SYN3: variants seen among roughly 807,000 people sequenced by gnomAD.
SYN3 encodes synapsin-3.
In SYN3, 35 loss-of-function variants were observed where a neutral mutation model predicts 65.8. The ratio of observed to expected loss-of-function variants is 0.53; its 90% CI spans 0.41 to 0.70. SYN3 has a LOEUF of 0.70. Ranked by LOEUF, SYN3 falls within the 30% of genes least tolerant of loss-of-function variation. The pLI, the probability that SYN3 is intolerant of heterozygous loss-of-function variation, is 0.00. For synonymous variants in SYN3, 270 were observed against 292.9 expected, an observed-to-expected ratio of 0.92 and a Z score of 0.80; for missense variants, 680 against 749.0, an observed-to-expected ratio of 0.91 and a Z score of 1.08.
rs190887715 is a variant in SYN3, at chr22:33,024,462, T to C, written c.-162-17638A>G. Among the ~76,000 whole-genome samples the C allele has an allele frequency of 2.1e-5, 3 of 144,026 alleles. No individual in the cohort carries two copies. In the East Asian group the frequency reaches 5.9e-4, roughly 28 times the overall value. 94.5% of individuals were successfully genotyped at this position (144,026 alleles called of 152,430 possible). On this transcript the variant is annotated intron_variant, in intron 1 of 13. Transcript: ENST00000358763. ...GACCCAAATGATTCACTGCAGCTGG[T>C]CTTGATCTCCAAAATGGGACACTTG...
intron 6 of SYN3, among the ~76,000 whole-genome samples, chr22:32,689,792 A>C (rs1382494223): frequency 1.3e-5 from 2 of 152,102 alleles, no homozygotes; most frequent in Admixed American, 6.5e-5. Context: ...CCCAGATCCT[A>C]ATGTGATGGT....
intron 6 of SYN3, among the ~76,000 whole-genome samples, chr22:32,597,216 T>C (rs1490114360): frequency 3.5e-5 from 3 of 84,816 alleles, no homozygotes; most frequent in African/African-American, 1.2e-4. Flanking sequence ...TTTTTTTTTT[T>C]TTTTTTTTTT....
chr22:32,828,022 G>T (rs1003930386), intron 6 of SYN3, among the ~76,000 whole-genome samples: 1 of 152,106 alleles, frequency 6.6e-6, no homozygotes, highest in Non-Finnish European at 1.5e-5. Context: ...ATCATATTGG[G>T]TATTTGTCTT....
chr22:32,727,045 A>C (rs2061204779), intron 6 of SYN3, among the ~76,000 whole-genome samples: 1 of 151,594 alleles, frequency 6.6e-6, no homozygotes, highest in South Asian at 2.1e-4. Context: ...TTCCTTACAT[A>C]CGTGGCCATG....
intron 1 of SYN3, among the ~76,000 whole-genome samples, chr22:33,053,461 C>G (rs555780071): frequency 5.9e-5 from 9 of 152,216 alleles, no homozygotes; most frequent in African/African-American, 2.2e-4. Context: ...AGAGATGGAG[C>G]CTTGCTTTGA....
chr22:32,796,102 G>A (rs1358674766), intron 6 of SYN3, among the ~76,000 whole-genome samples: 1 of 152,146 alleles, frequency 6.6e-6, no homozygotes, highest in Admixed American at 6.5e-5. Flanking sequence ...TGAACTCCAC[G>A]GGCATAAGGA....
chr22:32,960,484 G>A (rs2051613201), intron 3 of SYN3, among the ~76,000 whole-genome samples: 1 of 152,120 alleles, frequency 6.6e-6, no homozygotes, highest in Non-Finnish European at 1.5e-5. Flanking sequence ...CAATCATGGT[G>A]CTCCCCTGTG....
At chr22:32,731,077 A>C in intron 6 of SYN3, among the ~76,000 whole-genome samples, 1 of 152,150 alleles carries the variant, frequency 6.6e-6, no homozygotes, top group East Asian at 1.9e-4. Flanking sequence ...CTGGCCTATG[A>C]GCTCCACAAC....
chr22:32,551,337 C>G (rs188549526), intron 7 of SYN3, among the ~76,000 whole-genome samples: 2 of 152,160 alleles, frequency 1.3e-5, no homozygotes, highest in Non-Finnish European at 2.9e-5. Flanking sequence ...CCCCTACCCC[C>G]ACCCTGCACC....
At chr22:32,517,086 A>G (rs1047820141) in intron 13 of SYN3, among the ~76,000 whole-genome samples, 2 of 152,188 alleles carry the variant, frequency 1.3e-5, no homozygotes, top group African/African-American at 2.4e-5. Context: ...GGCTTACAAA[A>G]ATGACTGCAA....
At chr22:32,708,259 C>T (rs543193744) in intron 6 of SYN3, among the ~76,000 whole-genome samples, 18 of 152,256 alleles carry the variant, frequency 1.2e-4, no homozygotes, top group South Asian at 4.2e-4. Flanking sequence ...TGTTTAGAAA[C>T]GGTGGTGCGT....
intron 4 of SYN3, among the ~76,000 whole-genome samples, chr22:32,917,827 A>T (rs2050225819): frequency 6.6e-6 from 1 of 151,764 alleles, no homozygotes; most frequent in South Asian, 2.1e-4. Flanking sequence ...ATCGCTTTAC[A>T]GGCTCACACT....
chr22:32,527,320 C>T (rs1186715298), intron 12 of SYN3, among the ~76,000 whole-genome samples: 5 of 152,336 alleles, frequency 3.3e-5, no homozygotes, highest in East Asian at 1.9e-4. Flanking sequence ...ACTTTTACCT[C>T]GCAGTAGAAA....
At chr22:32,898,252 C>A (rs2049654289) in intron 4 of SYN3, among the ~76,000 whole-genome samples, 1 of 152,158 alleles carries the variant, frequency 6.6e-6, no homozygotes. Flanking sequence ...CCTTGGCCTC[C>A]CAAAGTGCTG....
intron 3 of SYN3, among the ~76,000 whole-genome samples, chr22:32,965,387 T>C (rs1342837997): frequency 2.0e-5 from 3 of 152,058 alleles, no homozygotes; most frequent in Non-Finnish European, 2.9e-5. Flanking sequence ...CTGGATAAGT[T>C]TGAGAAATAT....
chr22:32,945,614 T>C (rs2051084040), intron 3 of SYN3, among the ~76,000 whole-genome samples: 1 of 152,108 alleles, frequency 6.6e-6, no homozygotes, highest in Non-Finnish European at 1.5e-5. Context: ...GCAATACCAT[T>C]CAGGACATAG....
chr22:32,592,570 AC>A (rs1764624086), intron 7 of SYN3, among the ~76,000 whole-genome samples: 1 of 152,042 alleles, frequency 6.6e-6, no homozygotes, highest in African/African-American at 2.4e-5. Flanking sequence ...CTCCAGGCAC[AC>A]CCAATCACAT....
chr22:32,675,504 C>T (rs1026917761), intron 6 of SYN3, among the ~76,000 whole-genome samples: 79 of 152,270 alleles, frequency 5.2e-4, no homozygotes, highest in African/African-American at 1.8e-3. Context: ...CAGCTGGCAT[C>T]TGGTGTGCTG....
intron 6 of SYN3, among the ~76,000 whole-genome samples, chr22:32,826,721 G>A (rs2047425421): frequency 6.6e-6 from 1 of 152,182 alleles, no homozygotes; most frequent in South Asian, 2.1e-4. Context: ...TGTACTACGT[G>A]TCTTCAGATT....
Sources: gnomAD v4.1 joint callset for allele counts (sites outside exome capture counted in the v4.1 genomes callset) on GRCh38, gnomAD v4.1.1 for gene constraint, MANE v1.5 for transcripts, NCBI Gene and HGNC (gene_info 2026-07-23, HGNC 2026-07-21) for gene names.